SPATA21: variants seen among roughly 807,000 people sequenced by gnomAD.
The protein encoded by SPATA21 is spermatogenesis-associated protein 21.
SPATA21 carries 47 observed loss-of-function variants against 54.8 expected under a neutral mutation model. The ratio of observed to expected loss-of-function variants is 0.86; its 90% CI spans 0.68 to 1.09. The LOEUF (loss-of-function observed/expected upper bound fraction) is 1.09. Among genes scored for constraint, SPATA21 ranks in the 50% least tolerant of loss-of-function variants. The pLI, the probability that SPATA21 is intolerant of heterozygous loss-of-function variation, is 0.00. For missense variants in SPATA21, 599 were observed against 596.4 expected, an observed-to-expected ratio of 1.00 and a Z score of -0.05; for synonymous variants, 245 against 235.3, an observed-to-expected ratio of 1.04 and a Z score of -0.38.
At chr1:16,420,666 A>G (rs2086146152) in intron 5 of SPATA21, among the ~76,000 whole-genome samples, 2 of 152,134 alleles carry the variant, frequency 1.3e-5, no homozygotes, top group Non-Finnish European at 2.9e-5. Flanking sequence ...GGAGACAGCC[A>G]TGGGAGCAGG....
intron 8 of SPATA21, 140 bp from the exon 9 acceptor site, chr1:16,404,179 A>C (rs879851251): frequency 1.3e-4 from 90 of 712,546 alleles, no homozygotes; most frequent in Non-Finnish European, 2.1e-4. Flanking sequence ...CATGGGGCAC[A>C]CAGGAAAGTA....
chr1:16,402,160 T>G (rs2085467095), intron 10 of SPATA21, among the ~76,000 whole-genome samples: 1 of 151,406 alleles, frequency 6.6e-6, no homozygotes, highest in Admixed American at 6.6e-5. Context: ...GTCGGGGAGT[T>G]AAGCACCTGT....
chr1:16,405,419 G>A (rs2085601858), intron 7 of SPATA21, among the ~76,000 whole-genome samples: 1 of 148,716 alleles, frequency 6.7e-6, no homozygotes, highest in African/African-American at 2.5e-5. Flanking sequence ...GAGATAGGAG[G>A]ATTGCTTGAG....
In SPATA21 at chr1:16,409,769, G is replaced by A. The variant is rs748117631; in HGVS notation, c.419C>T (p.Ser140Leu). 32 of 1,605,710 alleles carry A rather than the reference G, an allele frequency of 2.0e-5. 1 individual carries two copies. In the South Asian group the frequency reaches 2.1e-4, roughly 11 times the overall value. The change falls in exon 6 of 13, where the codon TCG (serine) becomes TTG (leucine). Residue 140 changes from serine to leucine, a missense_variant. Coordinates refer to ENST00000335496, the MANE Select transcript of SPATA21 (RefSeq NM_198546.1). The surrounding 1 kb of genome is among the most constrained non-coding windows in gnomAD (Gnocchi z 4.1). ...TPASVPASGPSWARLPAPGPE... is the reference protein window; with the variant it reads ...TPASVPASGPLWARLPAPGPE... Reference sequence around the variant, plus strand: ...CCCAGGAGCTGGCAGCCGGGCCCACGATGGGCCGCTGGCAGGGACCGAGGC... The same window carrying A: ...CCCAGGAGCTGGCAGCCGGGCCCACAATGGGCCGCTGGCAGGGACCGAGGC...
At chr1:16,399,302 T>C (rs773921868) in intron 12 of SPATA21, 42 bp downstream of exon 12, 2 of 1,550,630 alleles carry the variant, frequency 1.3e-6, no homozygotes, top group South Asian at 2.5e-5. Context: ...TAAGGAAGAA[T>C]CTGGAAGGGC....
chr1:16,429,189 A>G (rs2086394875), intron 3 of SPATA21, among the ~76,000 whole-genome samples: 1 of 149,288 alleles, frequency 6.7e-6, no homozygotes, highest in African/African-American at 2.5e-5. Context: ...TTTTGTGGAG[A>G]ACGGGGTCTC....
At chr1:16,423,735 G>T (rs573053618) in intron 3 of SPATA21, among the ~76,000 whole-genome samples, 5 of 151,592 alleles carry the variant, frequency 3.3e-5, no homozygotes, top group Non-Finnish European at 7.4e-5. Context: ...GTAGAGACGG[G>T]GTTTCACCAG....
At chr1:16,429,537 CA>C (rs1474693804) in intron 3 of SPATA21, among the ~76,000 whole-genome samples, 1 of 152,036 alleles carries the variant, frequency 6.6e-6, no homozygotes, top group Non-Finnish European at 1.5e-5. Context: ...TGCAATGGTG[CA>C]ATCTCCGCTC....
intron 3 of SPATA21, among the ~76,000 whole-genome samples, chr1:16,426,579 A>ATATATATTTTTTT (rs1401259793): frequency 9.3e-6 from 1 of 107,154 alleles, no homozygotes; most frequent in East Asian, 3.4e-4. Context: ...ATATATATAT[A>ATATATATTTTTTT]TTTTTTTTTT....
Position 16,422,334 on chromosome 1 carries a change from C to T in SPATA21, c.35-363G>A, listed in dbSNP as rs148237114. On this transcript the variant is annotated intron_variant, in intron 3 of 12. Transcript: ENST00000335496. Reference sequence around the variant, plus strand: ...TTCAGGCATCATCTTACTTAATTCTCCTAGTGCCCCTAGAAGGTAGCACAG... The same window carrying T: ...TTCAGGCATCATCTTACTTAATTCTTCTAGTGCCCCTAGAAGGTAGCACAG... The T allele has an allele frequency of 6.7e-3, 4,601 of 686,446 alleles. 28 individuals carry two copies. Among genetic ancestry groups the T allele is most frequent in the Non-Finnish European group, 8.3e-3 (4,229 of 507,974 alleles). 42.5% of individuals were successfully genotyped at this position (686,446 alleles called of 1,614,324 possible).
At chr1:16,425,940 G>T (rs1402449562) in intron 3 of SPATA21, among the ~76,000 whole-genome samples, 1 of 152,042 alleles carries the variant, frequency 6.6e-6, no homozygotes, top group Non-Finnish European at 1.5e-5. Flanking sequence ...GTAGAGACAA[G>T]GTCTCTCTGT....
intron 3 of SPATA21, among the ~76,000 whole-genome samples, chr1:16,424,235 C>T (rs1487191945): frequency 7.7e-5 from 9 of 116,968 alleles, no homozygotes; most frequent in East Asian, 2.4e-4. Context: ...ATGGCATGAA[C>T]CTGGGAGGCA....
intron 3 of SPATA21, among the ~76,000 whole-genome samples, chr1:16,423,905 CA>C (rs1461205398): frequency 1.3e-5 from 2 of 151,712 alleles, no homozygotes; most frequent in Admixed American, 1.3e-4. Context: ...GTACACTGTA[CA>C]ATTTCATTTG....
At chr1:16,426,571 ATATATATAT>A (rs1445286707) in intron 3 of SPATA21, among the ~76,000 whole-genome samples, 7 of 115,210 alleles carry the variant, frequency 6.1e-5, no homozygotes, top group Admixed American at 1.7e-4. Flanking sequence ...ATATATATAT[ATATATATAT>A]TTTTTTTTTT....
rs554106901 is a variant in SPATA21 at position 16,409,405 on chromosome 1, G to A, written c.587+196C>T. ...GGGACTAGAGGGAGACCCCTTCGGGGGAGTTAGAAAAGGGGTCAGAAGTGG... is the reference window on the plus strand; with the variant it reads ...GGGACTAGAGGGAGACCCCTTCGGGAGAGTTAGAAAAGGGGTCAGAAGTGG... On this transcript the variant is annotated intron_variant, in intron 6 of 12. Coordinates refer to ENST00000335496, the MANE Select transcript of SPATA21 (RefSeq NM_198546.1). This position sits in a 1 kb window ranked among gnomAD's most constrained non-coding sequence, Gnocchi z 4.1. Among the ~76,000 whole-genome samples, 1 of 152,288 alleles carries A rather than the reference G, an allele frequency of 6.6e-6. No individual in the cohort carries two copies. The highest frequency in any genetic ancestry group is 6.5e-5 in the Admixed American group (1 of 15,290).
intron 5 of SPATA21, among the ~76,000 whole-genome samples, chr1:16,410,502 C>T (rs1239485260): frequency 6.6e-6 from 1 of 152,070 alleles, no homozygotes; most frequent in Non-Finnish European, 1.5e-5. Flanking sequence ...CCTCCACCTC[C>T]CAGGTTCAAG....
chr1:16,421,994 G>C lies in SPATA21; in HGVS notation c.35-23C>G. Reference sequence around the variant, plus strand: ...CCTCTGGAGCCACGACGGACATTGGGGGCATTGCTTCCTGAGAGCTGTCCC... The same window carrying C: ...CCTCTGGAGCCACGACGGACATTGGCGGCATTGCTTCCTGAGAGCTGTCCC... On this transcript the variant is annotated intron_variant, in intron 3 of 12. Coordinates refer to ENST00000335496, the MANE Select transcript of SPATA21 (RefSeq NM_198546.1). This position sits in a 1 kb window ranked among gnomAD's most constrained non-coding sequence, Gnocchi z 5.2. 6.2e-7 allele frequency: 1 copy of C among 1,614,202 alleles called. No individual in the cohort carries two copies. Among genetic ancestry groups the C allele is most frequent in the Non-Finnish European group, 8.5e-7 (1 of 1,180,044 alleles).
At chr1:16,399,285 G>A in intron 12 of SPATA21, 59 bp downstream of exon 12, 1 of 1,513,844 alleles carries the variant, frequency 6.6e-7, no homozygotes, top group African/African-American at 1.4e-5. Flanking sequence ...TTAGGCCAGG[G>A]GCCTCTTAAG....
At position 16,402,453 on chromosome 1, in the gene SPATA21, A is replaced by G. The variant is rs3121089; in HGVS notation, c.1001+1274T>C. On this transcript the variant is annotated intron_variant, in intron 10 of 12. Coordinates refer to ENST00000335496, the MANE Select transcript of SPATA21 (RefSeq NM_198546.1). ...ATTTTTTGTATTTTCAGTAGAGACGAGGTTTCACCATGTTAGCCAGGATGC... is the reference window on the plus strand; with the variant it reads ...ATTTTTTGTATTTTCAGTAGAGACGGGGTTTCACCATGTTAGCCAGGATGC... 3.3e-3 allele frequency among the ~76,000 whole-genome samples: 505 copies of G among 151,004 alleles called. 1 individual carries two copies. Among genetic ancestry groups the G allele is most frequent in the South Asian group, 7.3e-3 (35 of 4,780 alleles).
Sources: gnomAD v4.1 joint callset for allele counts (sites outside exome capture counted in the v4.1 genomes callset) on GRCh38, gnomAD v4.1.1 for gene constraint, Gnocchi (gnomAD v3.1) non-coding constraint, MANE v1.5 for transcripts, NCBI Gene and HGNC (gene_info 2026-07-23, HGNC 2026-07-21) for gene names.